The following MAP3K1 variants were observed in gnomAD, a reference collection of about 807,000 sequenced individuals.
The protein encoded by MAP3K1 is MAP/ERK kinase kinase 1.
In MAP3K1, 36 loss-of-function variants were observed where a neutral mutation model predicts 144.2. The ratio of observed to expected loss-of-function variants is 0.25; its 90% CI spans 0.19 to 0.33. MAP3K1 has a LOEUF of 0.33. MAP3K1 is among the 10% of genes least tolerant of loss of function. The pLI, the probability that MAP3K1 is intolerant of heterozygous loss-of-function variation, is 1.00. For missense variants in MAP3K1, 1,650 were observed against 1,881.9 expected, an observed-to-expected ratio of 0.88 and a Z score of 2.28; for synonymous variants, 718 against 688.7, an observed-to-expected ratio of 1.04 and a Z score of -0.67.
intron 6 of MAP3K1, among the ~76,000 whole-genome samples, chr5:56,869,058 G>C (rs922617791): frequency 6.6e-6 from 1 of 151,822 alleles, no homozygotes; most frequent in African/African-American, 2.4e-5. Context: ...TGACCAGCCT[G>C]GGCAACATAG....
At chr5:56,872,054 A>G (rs1195257291) in intron 7 of MAP3K1, 23 bp downstream of exon 7, 13 of 1,613,540 alleles carry the variant, frequency 8.1e-6, no homozygotes, top group African/African-American at 2.7e-5. Context: ...TTTTCTCCCT[A>G]TGCTTACTCA....
intron 10 of MAP3K1, 52 bp downstream of exon 10, chr5:56,875,362 T>C: frequency 6.3e-7 from 1 of 1,590,220 alleles, no homozygotes; most frequent in Non-Finnish European, 8.6e-7. Flanking sequence ...GGTTTTTTGA[T>C]GGTTCGTAGA....
rs1429044214 is a variant in MAP3K1 at position 56,881,649 on chromosome 5, A to G, written c.2449A>G (p.Arg817Gly). The G allele has an allele frequency of 6.2e-7, 1 of 1,613,972 alleles. No homozygotes were observed. ...NSHSMVGKLS[R>G]RIYLSSARMV... The stretch of plus-strand genomic sequence containing the variant: ...CCACTCAATGGTTGGCAAACTTTCC[A>G]GAAGGATCTACTTGAGTTCTGCAAG... The change falls in exon 14 of 20, where the codon AGA becomes GGA. Residue 817 changes from arginine (R) to glycine (G), a missense_variant. This residue lies in a region of MAP3K1 where 841 missense variants were observed against 886.5 expected (regional missense o/e 0.95). Coordinates refer to ENST00000399503, the MANE Select transcript of MAP3K1 (RefSeq NM_005921.2).
intron 1 of MAP3K1, chr5:56,820,782 GA>G: frequency 6.1e-6 from 6 of 985,398 alleles, no homozygotes; most frequent in Non-Finnish European, 7.2e-6. Context: ...GAGTGGTGGA[GA>G]AAAAGATCAT....
At position 56,865,834 on chromosome 5, in the gene MAP3K1, G is replaced by A; in HGVS notation, c.1158G>A (p.Glu386=). The A allele has an allele frequency of 6.2e-7, 1 of 1,614,036 alleles. No individual in the cohort carries two copies. Among genetic ancestry groups the A allele is most frequent in the Non-Finnish European group, 8.5e-7 (1 of 1,179,922 alleles). Residue 386 remains glutamate (E), a synonymous_variant, in exon 6 of 20, where the codon GAG becomes GAA. Coordinates refer to ENST00000399503, the MANE Select transcript of MAP3K1 (RefSeq NM_005921.2). The stretch of plus-strand genomic sequence containing the variant: ...CTGTCTTTTTCCAATGTTAGGTTGA[G>A]AGTTTGTTCCAGAAATATCACAGTA... ...WRKTLKNFEV[E]SLFQKYHSRR...
chr5:56,883,838 T>A (rs992870574), intron 15 of MAP3K1, among the ~76,000 whole-genome samples, 159 bp downstream of exon 15: 1 of 152,180 alleles, frequency 6.6e-6, no homozygotes, highest in Non-Finnish European at 1.5e-5. Context: ...ACCAGAAACA[T>A]CATGAATTCT....
At chr5:56,881,030 AGATTTT>A in intron 12 of MAP3K1, 47 bp from the exon 13 acceptor site, 1 of 1,431,868 alleles carries the variant, frequency 7.0e-7, no homozygotes, top group South Asian at 1.2e-5. Context: ...GTCTTGTTTT[AGATTTT>A]AATATCACTA....
At chr5:56,873,423 T>C (rs577491583) in intron 9 of MAP3K1, among the ~76,000 whole-genome samples, 1 of 152,350 alleles carries the variant, frequency 6.6e-6, no homozygotes, top group South Asian at 2.1e-4. Flanking sequence ...CAATGGGTGC[T>C]TAATAATTGC....
chr5:56,856,001 C>A (rs2111862000), intron 1 of MAP3K1, among the ~76,000 whole-genome samples: 1 of 152,248 alleles, frequency 6.6e-6, no homozygotes, highest in Non-Finnish European at 1.5e-5. Context: ...TCTGGTAAAT[C>A]CACACCATTT....
At chr5:56,874,890 A>G (rs763120774) in intron 9 of MAP3K1, 142 bp from the exon 10 acceptor site, 21 of 816,872 alleles carry the variant, frequency 2.6e-5, no homozygotes, top group Non-Finnish European at 3.8e-5. Flanking sequence ...AAGTGGCTGG[A>G]TATATTTGAA....
intron 3 of MAP3K1, 50 bp downstream of exon 3, chr5:56,859,965 A>G: frequency 7.0e-7 from 1 of 1,437,918 alleles, no homozygotes; most frequent in Non-Finnish European, 9.6e-7. Context: ...TTTTAGCTTC[A>G]TTTATAACAA....
At chr5:56,843,624 A>G (rs1045469431) in intron 1 of MAP3K1, among the ~76,000 whole-genome samples, 1 of 152,060 alleles carries the variant, frequency 6.6e-6, no homozygotes, top group Non-Finnish European at 1.5e-5. Context: ...CCAGGGGCAA[A>G]TCTTTGTGAC....
chr5:56,820,001 G>C (rs929780927), intron 1 of MAP3K1, among the ~76,000 whole-genome samples: 19 of 152,146 alleles, frequency 1.2e-4, no homozygotes, highest in African/African-American at 3.6e-4. Flanking sequence ...CAAAGCATGA[G>C]ATTAGTCAGA....
intron 6 of MAP3K1, among the ~76,000 whole-genome samples, chr5:56,866,363 G>A (rs529032247): frequency 7.9e-5 from 12 of 152,198 alleles, no homozygotes; most frequent in South Asian, 2.1e-4. Flanking sequence ...ACCTATGATC[G>A]CACCACTGCC....
At chr5:56,861,469 G>T (rs770134847) in intron 3 of MAP3K1, among the ~76,000 whole-genome samples, 7 of 151,518 alleles carry the variant, frequency 4.6e-5, no homozygotes, top group Non-Finnish European at 8.8e-5. Flanking sequence ...CTACTTTGGA[G>T]GCTGAGGCAG....
At chr5:56,850,515 G>T (rs2111843642) in intron 1 of MAP3K1, among the ~76,000 whole-genome samples, 1 of 152,256 alleles carries the variant, frequency 6.6e-6, no homozygotes, top group Non-Finnish European at 1.5e-5. Flanking sequence ...CGTCACTGTT[G>T]TAAAAACTTA....
At chr5:56,873,114 C>A in intron 9 of MAP3K1, 109 bp downstream of exon 9, 2 of 1,013,196 alleles carry the variant, frequency 2.0e-6, no homozygotes, top group Non-Finnish European at 3.0e-6. Context: ...TTTTACTTGC[C>A]TCCATCATGA....
intron 19 of MAP3K1, among the ~76,000 whole-genome samples, chr5:56,889,792 A>C (rs1748491520): frequency 6.6e-6 from 1 of 152,144 alleles, no homozygotes; most frequent in South Asian, 2.1e-4. Flanking sequence ...CTATGAAGAT[A>C]AACAAAATTA....
intron 1 of MAP3K1, among the ~76,000 whole-genome samples, chr5:56,851,341 C>G (rs1747164498): frequency 6.6e-6 from 1 of 152,162 alleles, no homozygotes; most frequent in Non-Finnish European, 1.5e-5. Flanking sequence ...TTGCAGGGAA[C>G]AGAGATGGGT....
Sources: allele counts gnomAD v4.1 joint callset (sites outside exome capture counted in the v4.1 genomes callset), GRCh38; gene constraint gnomAD v4.1.1; regional missense constraint gnomAD v4.1.1; transcripts MANE v1.5; gene names NCBI Gene and HGNC (gene_info 2026-07-23, HGNC 2026-07-21).